Variants in VWA5B1 observed in about 807,000 individuals in gnomAD.
The protein encoded by VWA5B1 is von Willebrand factor A domain containing 5B1, also known as von Willebrand factor A domain-containing protein 5B1.
A neutral mutation model predicts 118.2 loss-of-function variants in VWA5B1; 115 were observed. The observed-to-expected ratio is 0.97, with a 90% confidence interval of 0.84 to 1.14. The LOEUF (loss-of-function observed/expected upper bound fraction) is 1.14. Ranked by LOEUF, VWA5B1 falls within the 50% of genes most tolerant of loss-of-function variation. VWA5B1 has a pLI of 0.00. For synonymous variants in VWA5B1, 682 were observed against 658.4 expected (o/e 1.04, Z -0.55); for missense variants, 1,596 against 1,603.8 (o/e 1.00, Z 0.08).
At chr1:20,299,064 C>T (rs2088457542) in intron 1 of VWA5B1, among the ~76,000 whole-genome samples, 2 of 152,178 alleles carry the variant, frequency 1.3e-5, no homozygotes, top group South Asian at 4.1e-4. Context: ...ATTGCACTTA[C>T]AGGGTTATGA....
intron 3 of VWA5B1, 23 bp downstream of exon 3, chr1:20,313,011 C>A: frequency 6.5e-7 from 1 of 1,546,924 alleles, no homozygotes; most frequent in South Asian, 1.2e-5. Flanking sequence ...GAAGGGCTGC[C>A]GCGGGACCTG....
intron 1 of VWA5B1, among the ~76,000 whole-genome samples, chr1:20,294,022 G>A (rs542327519): frequency 9.8e-5 from 15 of 152,316 alleles, no homozygotes; most frequent in African/African-American, 3.6e-4. Context: ...GGTGGAAATA[G>A]GGAAAGGAAT....
chr1:20,337,029 C>G (rs980613965), intron 13 of VWA5B1, among the ~76,000 whole-genome samples: 1 of 152,048 alleles, frequency 6.6e-6, no homozygotes, highest in African/African-American at 2.4e-5. Flanking sequence ...TTCCAGGCAG[C>G]AGAAACTGCC....
At chr1:20,317,247 C>A (rs372409473) in intron 4 of VWA5B1, among the ~76,000 whole-genome samples, 49 of 152,122 alleles carry the variant, frequency 3.2e-4, no homozygotes, top group African/African-American at 1.2e-3. Context: ...AAGTGGAGAC[C>A]CTGAAATCTT....
At chr1:20,321,777 AG>A (rs563009588) in intron 7 of VWA5B1, among the ~76,000 whole-genome samples, 2 of 152,168 alleles carry the variant, frequency 1.3e-5, no homozygotes, top group Non-Finnish European at 2.9e-5. Flanking sequence ...ATGGAAGAGC[AG>A]GAAGCAGAAC....
rs140923593 is a variant in VWA5B1, at chr1:20,328,599, A to T, written c.1254+599A>T. On this transcript the variant is annotated intron_variant, in intron 9 of 21. Transcript: ENST00000289815. Reference sequence around the variant, plus strand: ...CAAATGGGACACTTTTCAACTAAAAATAATGTTATGAGTTTTAAAAATGCA... The same window carrying T: ...CAAATGGGACACTTTTCAACTAAAATTAATGTTATGAGTTTTAAAAATGCA... Among the ~76,000 whole-genome samples the T allele has an allele frequency of 4.6e-3, 700 of 152,334 alleles. 2 individuals are homozygous for T. The highest frequency in any genetic ancestry group is 0.014 in the African/African-American group (588 of 41,566).
rs140772242 is a variant in VWA5B1, at chr1:20,314,537, A to C, written c.508A>C (p.Thr170Pro). 1.3e-6 allele frequency: 2 copies of C among 1,551,408 alleles called. No homozygotes were observed. The highest frequency in any genetic ancestry group is 1.4e-5 in the African/African-American group (1 of 72,980). The change falls in exon 4 of 22, where the codon ACC (threonine) becomes CCC (proline). Residue 170 changes from threonine (T) to proline (P), a missense_variant. By Grantham distance (38) the Thr-to-Pro change is conservative. Transcript: ENST00000289815. Reference sequence around the variant, plus strand: ...CCTTCTGCCTGCTGTCTGTGCCCCAACCGTGCCCCAGTTCTGCACCAAGAG... The same window carrying C: ...CCTTCTGCCTGCTGTCTGTGCCCCACCCGTGCCCCAGTTCTGCACCAAGAG... ...RVLLPAVCAP[T>P]VPQFCTKSTG...
At chr1:20,348,406 C>A (rs1337759361) in intron 18 of VWA5B1, 48 bp downstream of exon 18, 5 of 1,538,480 alleles carry the variant, frequency 3.2e-6, no homozygotes, top group Admixed American at 3.9e-5. Flanking sequence ...CTTTCGGAAG[C>A]CTGGGCCCCT....
chr1:20,330,841 A>T, intron 10 of VWA5B1, 28 bp from the exon 11 acceptor site: 1 of 1,536,580 alleles, frequency 6.5e-7, no homozygotes, highest in Non-Finnish European at 8.8e-7. Context: ...GATAAGACAT[A>T]GCAGCCTCTC....
intron 11 of VWA5B1, among the ~76,000 whole-genome samples, chr1:20,332,446 C>T (rs937739709): frequency 1.3e-5 from 2 of 149,316 alleles, no homozygotes; most frequent in Admixed American, 6.7e-5. Flanking sequence ...TGCCACTGCA[C>T]TCCAGCCTGG....
At chr1:20,301,184 A>G (rs1029810724) in intron 1 of VWA5B1, among the ~76,000 whole-genome samples, 2 of 152,240 alleles carry the variant, frequency 1.3e-5, no homozygotes, top group African/African-American at 4.8e-5. Context: ...AGGTGGCCAG[A>G]GCCCCCATGG....
In VWA5B1 at chr1:20,355,429, C is replaced by T. The variant is rs920690559; in HGVS notation, c.*1166C>T. ...TGGCTGGCATAGAGCTGCCCAGTCT[C>T]CTCTTCCCCACTGACTCCCCTGGAG... On this transcript the variant is annotated 3_prime_UTR_variant, in exon 22 of 22. Transcript: ENST00000289815. Among the ~76,000 whole-genome samples, 1 of 152,224 alleles carries T rather than the reference C, an allele frequency of 6.6e-6. No homozygotes were observed. Among genetic ancestry groups the T allele is most frequent in the Non-Finnish European group, 1.5e-5 (1 of 68,026 alleles).
chr1:20,321,821 T>C (rs1247371879), intron 7 of VWA5B1, among the ~76,000 whole-genome samples: 1 of 151,932 alleles, frequency 6.6e-6, no homozygotes, highest in Non-Finnish European at 1.5e-5. Context: ...AGGAAGAAGG[T>C]CAGTGCGGCT....
chr1:20,315,526 A>T (rs1016273083), intron 4 of VWA5B1, among the ~76,000 whole-genome samples: 1 of 152,194 alleles, frequency 6.6e-6, no homozygotes, highest in Non-Finnish European at 1.5e-5. Flanking sequence ...AGGGGATGGA[A>T]GGGGACAGAG....
At chr1:20,300,231 C>T (rs1422317161) in intron 1 of VWA5B1, among the ~76,000 whole-genome samples, 1 of 152,162 alleles carries the variant, frequency 6.6e-6, no homozygotes, top group Non-Finnish European at 1.5e-5. Flanking sequence ...ACAGTGTCAC[C>T]TCTGAGAAGA....
chr1:20,313,109 C>T, intron 3 of VWA5B1, 121 bp downstream of exon 3: 1 of 1,318,552 alleles, frequency 7.6e-7, no homozygotes, highest in Non-Finnish European at 1.0e-6. Context: ...GAGCACTGAA[C>T]TAGTCAAGAA....
At chr1:20,326,312 A>G (rs567063004) in intron 8 of VWA5B1, among the ~76,000 whole-genome samples, 1 of 152,070 alleles carries the variant, frequency 6.6e-6, no homozygotes, top group South Asian at 2.1e-4. Context: ...CTAGATCATG[A>G]AGGATGACGG....
At chr1:20,353,101 C>T (rs532518693) in intron 21 of VWA5B1, among the ~76,000 whole-genome samples, 1 of 152,252 alleles carries the variant, frequency 6.6e-6, no homozygotes, top group African/African-American at 2.4e-5. Context: ...CAAGGCTAAG[C>T]CAAGACTTGC....
chr1:20,318,608 A>C lies in VWA5B1; in HGVS notation c.728A>C (p.His243Pro). ...CLLAGVESPT[H>P]EIRADAAPSA... ...CACTCAGGGGTGGAGAGTCCCACTC[A>C]TGAGATTCGTGCCGACGCCGCCCCA... Residue 243 changes from histidine to proline, a missense_variant, in exon 6 of 22, where the codon CAT becomes CCT. Coordinates refer to ENST00000289815, the MANE Select transcript of VWA5B1 (RefSeq NM_001039500.3). The C allele has an allele frequency of 6.4e-7, 1 of 1,551,272 alleles. No individual in the cohort carries two copies. The highest frequency in any genetic ancestry group is 8.7e-7 in the Non-Finnish European group (1 of 1,146,832).
Sources: allele counts gnomAD v4.1 joint callset (sites outside exome capture counted in the v4.1 genomes callset), GRCh38; gene constraint gnomAD v4.1.1; transcripts MANE v1.5; gene names NCBI Gene and HGNC (gene_info 2026-07-23, HGNC 2026-07-21).